HECTD4: variants seen among roughly 807,000 people sequenced by gnomAD.
HECTD4 encodes the protein probable E3 ubiquitin-protein ligase HECTD4.
HECTD4 carries 114 observed loss-of-function variants against 471.5 expected under a neutral mutation model. The observed-to-expected ratio is 0.24, with a 90% CI of 0.21 to 0.28. HECTD4 has a LOEUF of 0.28. HECTD4 is among the 10% of genes least tolerant of loss of function. The pLI is 1.00. For missense variants in HECTD4, 3,866 were observed against 5,651.5 expected (o/e 0.68, Z 10.13); for synonymous variants, 2,012 against 2,256.0 (o/e 0.89, Z 3.07).
chr12:112,295,501 A>T (rs1482897707), intron 7 of HECTD4, among the ~76,000 whole-genome samples: 36 of 133,004 alleles, frequency 2.7e-4, no homozygotes, highest in Non-Finnish European at 5.6e-4. Context: ...GCTAATATTA[A>T]TTTTTTTTTT....
In HECTD4 at chr12:112,381,506, C is replaced by T. The variant is rs1010695431; in HGVS notation, c.177+446G>A. 2.8e-4 allele frequency among the ~76,000 whole-genome samples: 43 copies of T among 152,224 alleles called. No homozygotes were observed. Among genetic ancestry groups the T allele is most frequent in the African/African-American group, 9.4e-4 (39 of 41,530 alleles). ...ACCAAACCAAACAAAAAAAACAGAA[C>T]TAGGGAAGAAAAGGATGGGAGGGTA... On this transcript the variant is annotated intron_variant, in intron 1 of 75. Coordinates refer to ENST00000682272, the MANE Select transcript of HECTD4 (RefSeq NM_001388303.1). This position sits in a 1 kb window ranked among gnomAD's most constrained non-coding sequence, Gnocchi z 4.1.
intron 44 of HECTD4, among the ~76,000 whole-genome samples, chr12:112,225,023 A>T (rs191082385): frequency 1.0e-3 from 153 of 152,026 alleles, no homozygotes; most frequent in Admixed American, 2.2e-3. Context: ...AAGTAATTTC[A>T]CCCTTGACGC....
intron 1 of HECTD4, among the ~76,000 whole-genome samples, chr12:112,376,378 C>T (rs2036781241): frequency 6.6e-6 from 1 of 152,034 alleles, no homozygotes; most frequent in African/African-American, 2.4e-5. Context: ...TCCCGAGTAG[C>T]TGGGACTACA....
chr12:112,301,022 C>T (rs982178958), intron 7 of HECTD4, among the ~76,000 whole-genome samples: 86 of 149,802 alleles, frequency 5.7e-4, no homozygotes, highest in Non-Finnish European at 7.0e-4. Flanking sequence ...GTAGCTGGGA[C>T]TACAGGTGCC....
intron 1 of HECTD4, among the ~76,000 whole-genome samples, chr12:112,376,401 C>T (rs1456219366): frequency 6.6e-6 from 1 of 152,066 alleles, no homozygotes; most frequent in African/African-American, 2.4e-5. Flanking sequence ...CGCCCGCCAC[C>T]ACGCCCGGCT....
intron 7 of HECTD4, among the ~76,000 whole-genome samples, chr12:112,288,611 A>G (rs1265878084): frequency 6.6e-6 from 1 of 152,196 alleles, no homozygotes; most frequent in African/African-American, 2.4e-5. Context: ...CCTGGGCCAT[A>G]GAGCAACACA....
chr12:112,214,102 T>C (rs1032281159), intron 48 of HECTD4, among the ~76,000 whole-genome samples: 1 of 152,104 alleles, frequency 6.6e-6, no homozygotes, highest in African/African-American at 2.4e-5. Context: ...ACCACTAAAT[T>C]CCATTATGTT....
At chr12:112,204,657 A>T (rs375873230) in intron 52 of HECTD4, 34 bp from the exon 53 acceptor site, 32 of 1,566,628 alleles carry the variant, frequency 2.0e-5, no homozygotes, top group Non-Finnish European at 2.5e-5. Context: ...TAACTCCCCA[A>T]AGAGTACACA....
At position 112,319,573 on chromosome 12, in the gene HECTD4, T is replaced by G. The variant is rs1238542626; in HGVS notation, c.347A>C (p.Glu116Ala). 1.4e-6 allele frequency: 2 copies of G among 1,433,344 alleles called. No homozygotes were observed. Among genetic ancestry groups the G allele is most frequent in the Middle Eastern group, 2.6e-4 (1 of 3,910 alleles). 88.8% of individuals were successfully genotyped at this position (1,433,344 alleles called of 1,614,324 possible). A position where few individuals can be genotyped will look rare whatever the true frequency, so the allele number is the denominator to read the frequency against. The change falls in exon 2 of 76, where the codon GAA becomes GCA. Residue 116 changes from glutamate to alanine, a missense_variant. Glu to Ala is a moderately radical substitution (Grantham distance 107). Transcript: ENST00000682272. The surrounding 1 kb of genome is among the most constrained non-coding windows in gnomAD (Gnocchi z 5.3). ...CAAAGTTTCCTCATCACCTGAACTT[T>G]CCCTTTCATGCTGTTCTTCTAAGGC... ...QLALEEQHER[E>A]SSGDEETLAL...
chr12:112,281,795 T>G (rs2034645579), intron 8 of HECTD4, among the ~76,000 whole-genome samples: 1 of 152,198 alleles, frequency 6.6e-6, no homozygotes, highest in African/African-American at 2.4e-5. Context: ...AGCATAAGAT[T>G]ACACTGAATT....
chr12:112,278,481 T>C (rs1277272642), intron 9 of HECTD4, among the ~76,000 whole-genome samples: 1 of 152,246 alleles, frequency 6.6e-6, no homozygotes. Context: ...TATAATAATA[T>C]ATGGATATTT....
At position 112,319,488 on chromosome 12, in the gene HECTD4, C is replaced by T. The variant is rs1324132571; in HGVS notation, c.432G>A (p.Arg144=). 1.2e-5 allele frequency: 18 copies of T among 1,507,536 alleles called. No homozygotes were observed. In the African/African-American group the frequency reaches 1.8e-4, roughly 15 times the overall value. The allele number at this position is 1,507,536 out of a possible 1,614,324, so 93.4% of individuals were successfully genotyped here. A position where few individuals can be genotyped will look rare whatever the true frequency, so the allele number is the denominator to read the frequency against. ...QQPEQAPFTS[R]MGLLLVFPLI... is the part of the protein sequence containing the mutation. The stretch of plus-strand genomic sequence containing the variant: ...GGGGGAAGACCAGCAGGAGCCCCAT[C>T]CTCGATGTGAAGGGCGCTTGCTCAG... Residue 144 remains arginine, a synonymous_variant, in exon 2 of 76, where the codon AGG becomes AGA. Coordinates refer to ENST00000682272, the MANE Select transcript of HECTD4 (RefSeq NM_001388303.1). The surrounding 1 kb of genome is among the most constrained non-coding windows in gnomAD (Gnocchi z 5.3).
chr12:112,267,297 C>A (rs888614035), intron 13 of HECTD4: 13 of 262,572 alleles, frequency 5.0e-5, no homozygotes, highest in Non-Finnish European at 9.4e-5. Context: ...CCTGCTAGAA[C>A]CTCCAAACAA....
At chr12:112,347,208 C>T (rs1049474810) in intron 1 of HECTD4, among the ~76,000 whole-genome samples, 3 of 151,978 alleles carry the variant, frequency 2.0e-5, no homozygotes, top group Non-Finnish European at 4.4e-5. Flanking sequence ...GTCAAGCAGG[C>T]TCTTTGAAAA....
intron 29 of HECTD4, 38 bp from the exon 30 acceptor site, chr12:112,244,047 T>G: frequency 4.4e-6 from 7 of 1,608,998 alleles, no homozygotes; most frequent in Non-Finnish European, 5.9e-6. Context: ...ACATTTCTGC[T>G]ATCTGTACAA....
At chr12:112,310,383 AAT>A (rs1721774882) in intron 4 of HECTD4, among the ~76,000 whole-genome samples, 2 of 152,344 alleles carry the variant, frequency 1.3e-5, no homozygotes, top group African/African-American at 4.8e-5. Flanking sequence ...TTAAAACAGC[AAT>A]ATGTTTCCCC....
intron 60 of HECTD4, among the ~76,000 whole-genome samples, chr12:112,186,387 G>C (rs990126212): frequency 1.4e-5 from 2 of 142,872 alleles, no homozygotes; most frequent in African/African-American, 5.3e-5. Flanking sequence ...ACCCAGGCTG[G>C]AGTGCAGTGG....
chr12:112,195,979 T>C (rs983010399), intron 55 of HECTD4, among the ~76,000 whole-genome samples: 2 of 152,100 alleles, frequency 1.3e-5, no homozygotes, highest in Admixed American at 6.6e-5. Context: ...CTGGGGAACA[T>C]AGTGAGAATC....
At chr12:112,332,803 C>A (rs1363980084) in intron 1 of HECTD4, among the ~76,000 whole-genome samples, 1 of 146,150 alleles carries the variant, frequency 6.8e-6, no homozygotes, top group Non-Finnish European at 1.5e-5. Context: ...CACACCCCCA[C>A]CCTACTGCAA....
Sources: allele counts gnomAD v4.1 joint callset (sites outside exome capture counted in the v4.1 genomes callset), GRCh38; gene constraint gnomAD v4.1.1; non-coding constraint Gnocchi (gnomAD v3.1); transcripts MANE v1.5; gene names NCBI Gene and HGNC (gene_info 2026-07-23, HGNC 2026-07-21).